DST: variants seen among roughly 807,000 people sequenced by gnomAD.
DST encodes bullous pemphigoid antigen.
DST carries 253 observed loss-of-function variants against 875.2 expected under a neutral mutation model. The ratio of observed to expected loss-of-function variants is 0.29; its 90% CI spans 0.26 to 0.32. The LOEUF (loss-of-function observed/expected upper bound fraction) is 0.32, where lower values mean the gene tolerates loss of function less well. DST is among the 10% of genes least tolerant of loss of function. The pLI is 1.00. For synonymous variants in DST, 3,124 were observed against 3,197.1 expected (o/e 0.98, Z 0.77); for missense variants, 8,287 against 9,111.6 (o/e 0.91, Z 3.68).
Position 56,607,613 on chromosome 6 carries a change from A to T in DST, c.7015T>A (p.Cys2339Ser). The change falls in exon 40 of 104, where the codon TGT becomes AGT. Residue 2339 changes from cysteine to serine, a missense_variant. Cys to Ser is a moderately radical substitution (Grantham distance 112, BLOSUM62 -1). This residue lies in a region of DST where 3,138 missense variants were observed against 3,116.6 expected (regional missense o/e 1.01). Coordinates refer to ENST00000680361, the MANE Select transcript of DST (RefSeq NM_001374736.1). ...DPKVNSSPSVCVPSLISYLTQ... is the reference protein window; with the variant it reads ...DPKVNSSPSVSVPSLISYLTQ... ...AAATATGATATGAGACTGGGAACAC[A>T]CACACTGGGTGAACTGTTAACTTTA... is the stretch of plus-strand genomic sequence containing the variant. 6.2e-7 allele frequency: 1 copy of T among 1,613,280 alleles called. No homozygotes were observed. Among genetic ancestry groups the T allele is most frequent in the Non-Finnish European group, 8.5e-7 (1 of 1,179,600 alleles).
chr6:56,477,215 T>C (rs546196106), intron 91 of DST, 130 bp downstream of exon 91: 15 of 1,032,990 alleles, frequency 1.5e-5, no homozygotes, highest in Non-Finnish European at 2.0e-5. Context: ...GAAGCGTATT[T>C]AAAAGAACGT....
At chr6:56,917,660 T>C (rs1258512633) in intron 2 of DST, among the ~76,000 whole-genome samples, 2 of 152,230 alleles carry the variant, frequency 1.3e-5, no homozygotes, top group Non-Finnish European at 2.9e-5. Context: ...TCCTGTTGAC[T>C]TTTCCCAGTA....
Position 56,954,456 on chromosome 6 carries a change from T to A in DST, c.132A>T (p.Lys44Asn). The A allele has an allele frequency of 1.5e-6, 2 of 1,367,578 alleles. No individual in the cohort carries two copies. The highest frequency in any genetic ancestry group is 2.0e-6 in the Non-Finnish European group (2 of 1,021,828). 84.7% of individuals were successfully genotyped at this position (1,367,578 alleles called of 1,614,324 possible). The change falls in exon 1 of 104, where the codon AAA becomes AAT. Residue 44 changes from lysine (K) to asparagine (N), a missense_variant. By Grantham distance (94) the Lys-to-Asn change is moderately conservative. Coordinates refer to ENST00000680361, the MANE Select transcript of DST (RefSeq NM_001374736.1). ...AGACCGATTTCATCGGATGCCTCCCTTTCTGGAGCTTGCGGTGCCAGCAGC... is the reference window on the plus strand; with the variant it reads ...AGACCGATTTCATCGGATGCCTCCCATTCTGGAGCTTGCGGTGCCAGCAGC... ...FFCCWHRKLQ[K>N]GRHPMKSVFS...
At chr6:56,658,484 T>A (rs2099022031) in intron 10 of DST, among the ~76,000 whole-genome samples, 1 of 152,222 alleles carries the variant, frequency 6.6e-6, no homozygotes, top group Non-Finnish European at 1.5e-5. Flanking sequence ...GGTTATAGCA[T>A]AAGGTTCAAA....
intron 4 of DST, among the ~76,000 whole-genome samples, chr6:56,782,449 T>A (rs2152993434): frequency 6.7e-6 from 1 of 149,274 alleles, no homozygotes; most frequent in African/African-American, 2.4e-5. Context: ...GGTTTAGTCT[T>A]GGGAGAGTGC....
Position 56,629,393 on chromosome 6 carries a change from C to T in DST, c.4332G>A (p.Glu1444=), listed in dbSNP as rs746612084. 2.5e-6 allele frequency: 4 copies of T among 1,613,612 alleles called. No individual in the cohort carries two copies. In the South Asian group the frequency reaches 4.4e-5, roughly 18 times the overall value. ...DEKRQVFHAL[E]DELQKAKAIS... ...TGGCTTTAGCTTTCTGCAACTCATC[C>T]TCTAAGGCATGGAATACCTGTCTCT... is the stretch of plus-strand genomic sequence containing the variant. Residue 1444 remains glutamate (E), a synonymous_variant, in exon 32 of 104, where the codon GAG becomes GAA. Transcript: ENST00000680361.
chr6:56,604,246 A>G lies in DST; in HGVS notation c.10382T>C (p.Val3461Ala). The G allele has an allele frequency of 6.2e-7, 1 of 1,610,344 alleles. No individual in the cohort carries two copies. Among genetic ancestry groups the G allele is most frequent in the East Asian group, 2.2e-5 (1 of 44,732 alleles). ...QDQHSQKITG[V>A]FELMRELTHM... is the part of the protein sequence containing the mutation. ...AGTTAATTCTCTCATCAATTCAAAT[A>G]CTCCTGTAATTTTTTGGCTATGTTG... The change falls in exon 40 of 104, where the codon GTA (valine) becomes GCA (alanine). Residue 3461 changes from valine to alanine, a missense_variant. Coordinates refer to ENST00000680361, the MANE Select transcript of DST (RefSeq NM_001374736.1).
intron 4 of DST, among the ~76,000 whole-genome samples, chr6:56,830,885 T>G (rs79427338): frequency 0.021 from 3,178 of 152,294 alleles, 107 homozygotes; most frequent in African/African-American, 0.072. Flanking sequence ...ATGATAACTT[T>G]GACTGCATAT....
chr6:56,541,632 C>G (rs945292428), intron 61 of DST: 1 of 152,102 alleles, frequency 6.6e-6, no homozygotes, highest in Non-Finnish European at 1.5e-5. Flanking sequence ...TAAGATAAAG[C>G]ATCTTCCAAA....
intron 5 of DST, among the ~76,000 whole-genome samples, chr6:56,732,434 A>C (rs1021952511): frequency 2.0e-5 from 3 of 152,122 alleles, no homozygotes; most frequent in Non-Finnish European, 4.4e-5. Context: ...TGTGTTTCTA[A>C]CTGATTTTCC....
At chr6:56,901,068 G>T (rs868032092) in intron 2 of DST, among the ~76,000 whole-genome samples, 1 of 152,076 alleles carries the variant, frequency 6.6e-6, no homozygotes, top group Non-Finnish European at 1.5e-5. Flanking sequence ...GGAAAGAGCA[G>T]GAATGCCAAT....
At position 56,954,444 on chromosome 6, in the gene DST, C is replaced by T. The variant is rs1679917348; in HGVS notation, c.144G>A (p.Pro48=). ...AACGACCCGAGAAGACCGATTTCAT[C>T]GGATGCCTCCCTTTCTGGAGCTTGC... ...WHRKLQKGRH[P]MKSVFSGRSR... is the part of the protein sequence containing the mutation. Residue 48 remains proline (P), a synonymous_variant, in exon 1 of 104, where the codon CCG becomes CCA. Transcript: ENST00000680361. The T allele has an allele frequency of 2.2e-6, 3 of 1,367,524 alleles. No individual in the cohort carries two copies. The highest frequency in any genetic ancestry group is 1.1e-5 in the South Asian group (1 of 88,016). The allele number at this position is 1,367,524 out of a possible 1,614,324, so 84.7% of individuals were successfully genotyped here.
intron 9 of DST, among the ~76,000 whole-genome samples, chr6:56,694,216 T>C (rs972090282): frequency 1.5e-4 from 21 of 138,458 alleles, no homozygotes; most frequent in African/African-American, 5.4e-4. Context: ...ATAGATATGG[T>C]AAAAAAAAAA....
chr6:56,601,708 A>C, intron 43 of DST, 32 bp from the exon 44 acceptor site: 1 of 1,296,478 alleles, frequency 7.7e-7, no homozygotes, highest in Non-Finnish European at 1.1e-6. Flanking sequence ...CTATCAGTAG[A>C]AAGTTAAGCC....
At chr6:56,696,294 T>C (rs1325714816) in intron 9 of DST, among the ~76,000 whole-genome samples, 2 of 152,008 alleles carry the variant, frequency 1.3e-5, no homozygotes, top group African/African-American at 2.4e-5. Flanking sequence ...TCCCAAGTGG[T>C]TGGAATTACA....
chr6:56,531,992 T>TCTTA (rs2096903799), intron 64 of DST, among the ~76,000 whole-genome samples: 1 of 152,152 alleles, frequency 6.6e-6, no homozygotes, highest in Non-Finnish European at 1.5e-5. Context: ...CTATAAACCC[T>TCTTA]CTTAGACTGT....
intron 69 of DST, among the ~76,000 whole-genome samples, chr6:56,520,223 T>C (rs1451003719): frequency 6.6e-6 from 1 of 151,854 alleles, no homozygotes; most frequent in African/African-American, 2.4e-5. Context: ...AGAAAATAAC[T>C]TAAAAAATAA....
intron 5 of DST, among the ~76,000 whole-genome samples, chr6:56,725,227 T>C (rs1272370017): frequency 1.3e-5 from 2 of 152,106 alleles, no homozygotes. Context: ...AATGAAAGAA[T>C]GTGTTGCAAA....
intron 49 of DST, among the ~76,000 whole-genome samples, chr6:56,582,930 A>C (rs1484472044): frequency 3.3e-5 from 5 of 151,956 alleles, no homozygotes; most frequent in East Asian, 3.9e-4. Context: ...TGAACTCATC[A>C]TTTTTTATGG....
Sources: gnomAD v4.1 joint callset for allele counts (sites outside exome capture counted in the v4.1 genomes callset) on GRCh38, gnomAD v4.1.1 for gene constraint, gnomAD v4.1.1 regional missense constraint, MANE v1.5 for transcripts, NCBI Gene and HGNC (gene_info 2026-07-23, HGNC 2026-07-21) for gene names.